HCN1: variants seen among roughly 807,000 people sequenced by gnomAD.
The protein encoded by HCN1 is potassium/sodium hyperpolarization-activated cyclic nucleotide-gated channel 1.
Under a neutral mutation model 78.9 loss-of-function variants are expected in HCN1, and 13 were observed. The ratio of observed to expected loss-of-function variants is 0.16; its 90% CI spans 0.11 to 0.26. The LOEUF (loss-of-function observed/expected upper bound fraction) is 0.26. Among genes scored for constraint, HCN1 ranks in the 10% least tolerant of loss-of-function variants. The pLI is 1.00. For missense variants in HCN1, 810 were observed against 1,154.3 expected, an observed-to-expected ratio of 0.70 and a Z score of 4.32; for synonymous variants, 552 against 455.5, an observed-to-expected ratio of 1.21 and a Z score of -2.70.
intron 5 of HCN1, among the ~76,000 whole-genome samples, chr5:45,307,828 T>C (rs780396309): frequency 2.6e-5 from 4 of 152,042 alleles, no homozygotes; most frequent in African/African-American, 4.8e-5. Flanking sequence ...CAATATTGAG[T>C]CATAACTGTA....
rs180949477 is a variant in HCN1 at position 45,488,700 on chromosome 5, T to C, written c.850-26693A>G. On this transcript the variant is annotated intron_variant, in intron 2 of 7. Coordinates refer to ENST00000303230, the MANE Select transcript of HCN1 (RefSeq NM_021072.4). Reference sequence around the variant, plus strand: ...AAGGTTGCAGTCCTACTGAGAAAGATGTAGTAAGTTAGAGAATATTGGAGA... The same window carrying C: ...AAGGTTGCAGTCCTACTGAGAAAGACGTAGTAAGTTAGAGAATATTGGAGA... 3.5e-3 allele frequency among the ~76,000 whole-genome samples: 527 copies of C among 152,258 alleles called. 2 individuals are homozygous for C. Among genetic ancestry groups the C allele is most frequent in the Non-Finnish European group, 6.1e-3 (416 of 67,996 alleles).
intron 3 of HCN1, among the ~76,000 whole-genome samples, chr5:45,433,468 G>T (rs144385268): frequency 6.6e-6 from 1 of 150,904 alleles, no homozygotes; most frequent in Non-Finnish European, 1.5e-5. Flanking sequence ...TCTGGGTATC[G>T]CTGCACACGA....
chr5:45,486,789 G>A (rs1211615322), intron 2 of HCN1, among the ~76,000 whole-genome samples: 2 of 151,990 alleles, frequency 1.3e-5, no homozygotes, highest in Non-Finnish European at 2.9e-5. Context: ...GATATTGTAA[G>A]GGAATACACC....
chr5:45,612,347 G>A (rs774599240), intron 2 of HCN1, among the ~76,000 whole-genome samples: 12 of 151,940 alleles, frequency 7.9e-5, no homozygotes, highest in Non-Finnish European at 1.2e-4. Context: ...CTAAGTTTCC[G>A]ACTTCATAGG....
chr5:45,672,188 T>C (rs961109658), intron 1 of HCN1, among the ~76,000 whole-genome samples: 24 of 151,744 alleles, frequency 1.6e-4, no homozygotes, highest in African/African-American at 5.5e-4. Context: ...GGCTTGTGCC[T>C]AAAGCAAAAT....
intron 2 of HCN1, among the ~76,000 whole-genome samples, chr5:45,577,591 C>T (rs994846020): frequency 2.0e-5 from 3 of 151,756 alleles, no homozygotes; most frequent in Non-Finnish European, 4.4e-5. Flanking sequence ...AACATTTGGC[C>T]TCCAGTCCTT....
chr5:45,322,221 T>A (rs1367780804), intron 5 of HCN1, among the ~76,000 whole-genome samples: 1 of 151,906 alleles, frequency 6.6e-6, no homozygotes, highest in African/African-American at 2.4e-5. Context: ...AATAAAGGTG[T>A]TAATGGGCTT....
At position 45,433,795 on chromosome 5, in the gene HCN1, G is replaced by GA. The variant is rs571829653; in HGVS notation, c.1011+28050dup. Among the ~76,000 whole-genome samples, 48 of 152,128 alleles carry GA rather than the reference G, an allele frequency of 3.2e-4. 1 individual carries two copies. The East Asian group carries it at 6.8e-3, about 21-fold the overall frequency. On this transcript the variant is annotated intron_variant, in intron 3 of 7. Coordinates refer to ENST00000303230, the MANE Select transcript of HCN1 (RefSeq NM_021072.4). ...TTATTTCCTGAGGAGAAGCAAAAGT[G>GA]AAAAAAATGCCTTTCCTTTCTACAT...
At chr5:45,306,070 G>A (rs537609270) in intron 5 of HCN1, among the ~76,000 whole-genome samples, 13 of 152,170 alleles carry the variant, frequency 8.5e-5, no homozygotes, top group Non-Finnish European at 1.3e-4. Context: ...AAAAGGTGAC[G>A]TGGAGTTAAA....
At chr5:45,659,739 AG>A (rs1375536444) in intron 1 of HCN1, among the ~76,000 whole-genome samples, 4 of 116,784 alleles carry the variant, frequency 3.4e-5, no homozygotes, top group Admixed American at 2.6e-4. Context: ...TGAAGCGAGA[AG>A]GGAAGTTTAG....
rs1579832642 is a variant in HCN1, at chr5:45,351,489, C to T, written c.1377+1611G>A. ...GGGCAAGGACTTCATGTCCAAAACA[C>T]CAAAAGCAATGGCAACAAAAGACAA... On this transcript the variant is annotated intron_variant, in intron 5 of 7. Coordinates refer to ENST00000303230, the MANE Select transcript of HCN1 (RefSeq NM_021072.4). Among the ~76,000 whole-genome samples the T allele has an allele frequency of 1.9e-5, 2 of 108,054 alleles. 1 individual carries two copies. Among genetic ancestry groups the T allele is most frequent in the Admixed American group, 1.9e-4 (2 of 10,660 alleles). 70.9% of individuals were successfully genotyped at this position (108,054 alleles called of 152,430 possible).
intron 3 of HCN1, among the ~76,000 whole-genome samples, chr5:45,429,083 T>G (rs1375130079): frequency 2.6e-5 from 4 of 152,154 alleles, no homozygotes; most frequent in African/African-American, 9.7e-5. Context: ...CTTTAGAGGT[T>G]TGAATTATTA....
intron 2 of HCN1, among the ~76,000 whole-genome samples, chr5:45,497,988 A>G (rs972095275): frequency 2.0e-5 from 3 of 152,146 alleles, no homozygotes; most frequent in African/African-American, 7.2e-5. Context: ...TTTGAGGGTA[A>G]CCGGACCTTT....
intron 5 of HCN1, among the ~76,000 whole-genome samples, chr5:45,336,394 C>T (rs1746456642): frequency 6.6e-6 from 1 of 152,080 alleles, no homozygotes; most frequent in Middle Eastern, 3.2e-3. Flanking sequence ...TTTTAGTGCA[C>T]AGTGGAATGA....
At chr5:45,320,053 CA>C (rs919625281) in intron 5 of HCN1, among the ~76,000 whole-genome samples, 3 of 151,786 alleles carry the variant, frequency 2.0e-5, no homozygotes, top group Admixed American at 6.6e-5. Flanking sequence ...ACAAATGAAT[CA>C]TAGAGTAATC....
At chr5:45,408,052 A>G (rs1739959212) in intron 3 of HCN1, among the ~76,000 whole-genome samples, 1 of 152,210 alleles carries the variant, frequency 6.6e-6, no homozygotes. Flanking sequence ...AAATATTTTT[A>G]TACAGTTGTA....
At chr5:45,314,401 C>A (rs546037462) in intron 5 of HCN1, among the ~76,000 whole-genome samples, 2 of 152,250 alleles carry the variant, frequency 1.3e-5, no homozygotes, top group Admixed American at 6.5e-5. Context: ...CCAGCCATTG[C>A]AAAAACATGC....
At chr5:45,659,267 C>T (rs1008745598) in intron 1 of HCN1, among the ~76,000 whole-genome samples, 1 of 133,240 alleles carries the variant, frequency 7.5e-6, no homozygotes, top group African/African-American at 3.1e-5. Context: ...GGAAAACTAA[C>T]AACCAGAAAG....
At chr5:45,467,964 T>G (rs1265697517) in intron 2 of HCN1, among the ~76,000 whole-genome samples, 3 of 152,132 alleles carry the variant, frequency 2.0e-5, no homozygotes, top group Non-Finnish European at 2.9e-5. Flanking sequence ...CAGAGAGAGC[T>G]GGCCTGCCTT....
Sources: gnomAD v4.1 joint callset for allele counts (sites outside exome capture counted in the v4.1 genomes callset) on GRCh38, gnomAD v4.1.1 for gene constraint, MANE v1.5 for transcripts, NCBI Gene and HGNC (gene_info 2026-07-23, HGNC 2026-07-21) for gene names.